TMEM17: variants seen among roughly 807,000 people sequenced by gnomAD.
TMEM17 encodes transmembrane protein 17.
Under a neutral mutation model 19.1 loss-of-function variants are expected in TMEM17, and 15 were observed. That is an observed-to-expected ratio of 0.78 (90% CI 0.52 to 1.21). The LOEUF is 1.21. TMEM17 is among the 50% of genes most tolerant of loss of function. The pLI, the probability that TMEM17 is intolerant of heterozygous loss-of-function variation, is 0.00. For missense variants in TMEM17, 245 were observed against 242.3 expected (o/e 1.01, Z -0.07); for synonymous variants, 103 against 86.9 (o/e 1.19, Z -1.03).
At chr2:62,455,807 T>C in the TMEM17 span, among the ~76,000 whole-genome samples, 7 of 152,184 alleles carry the variant, frequency 4.6e-5, no homozygotes, top group Non-Finnish European at 1.0e-4. Context: ...CCAAGTCAGT[T>C]GTACCATGTT....
the TMEM17 span, among the ~76,000 whole-genome samples, chr2:62,491,832 T>C: frequency 6.6e-6 from 1 of 151,302 alleles, no homozygotes; most frequent in Non-Finnish European, 1.5e-5. Flanking sequence ...TAATCAAATA[T>C]ACATCTCTTT....
chr2:62,484,812 T>C, the TMEM17 span, among the ~76,000 whole-genome samples: 1 of 152,238 alleles, frequency 6.6e-6, no homozygotes. Context: ...TTGTTTGGAA[T>C]AGTTCAGCTT....
chr2:62,496,862 C>A (rs891742174), downstream of TMEM17, among the ~76,000 whole-genome samples: 1 of 152,196 alleles, frequency 6.6e-6, no homozygotes, highest in Admixed American at 6.5e-5. Context: ...CCTTAGGAGG[C>A]TGAGGCAGAA....
chr2:62,481,308 G>A, the TMEM17 span, among the ~76,000 whole-genome samples: 1 of 152,078 alleles, frequency 6.6e-6, no homozygotes, highest in Non-Finnish European at 1.5e-5. Flanking sequence ...CAACTTTACT[G>A]AATTATTTCA....
Position 62,501,363 on chromosome 2 carries a change from G to C in TMEM17, c.443C>G (p.Thr148Ser). 6.2e-7 allele frequency: 1 copy of C among 1,614,202 alleles called. No individual in the cohort carries two copies. The highest frequency in any genetic ancestry group is 8.5e-7 in the Non-Finnish European group (1 of 1,180,032). Residue 148 changes from threonine (T) to serine (S), a missense_variant, in exon 4 of 4, where the codon ACT (threonine) becomes AGT (serine). Physicochemically the swap from Thr to Ser is moderately conservative, Grantham distance 58. Transcript: ENST00000335390. ...PLEKAIHIIFTLFLAFQVVAA... is the reference protein window; with the variant it reads ...PLEKAIHIIFSLFLAFQVVAA... ...AACAACTTGGAAAGCAAGGAAGAGA[G>C]TGAAGATGATATGTATCGCTTTTTC...
chr2:62,493,997 C>G, the TMEM17 span, among the ~76,000 whole-genome samples: 2 of 152,154 alleles, frequency 1.3e-5, no homozygotes, highest in Non-Finnish European at 2.9e-5. Flanking sequence ...AAAGCCTATC[C>G]TACCCTCTAG....
At chr2:62,460,657 G>C in the TMEM17 span, among the ~76,000 whole-genome samples, 33 of 152,170 alleles carry the variant, frequency 2.2e-4, no homozygotes, top group East Asian at 5.2e-3. Flanking sequence ...TTAAGAACAG[G>C]CATTTTAGTC....
At chr2:62,483,368 CT>C in the TMEM17 span, among the ~76,000 whole-genome samples, 1 of 152,134 alleles carries the variant, frequency 6.6e-6, no homozygotes, top group African/African-American at 2.4e-5. Flanking sequence ...AGAGCGAAGG[CT>C]TTGTTTTGGG....
At chr2:62,496,712 TA>T (rs1679786632), downstream of TMEM17, among the ~76,000 whole-genome samples, 1 of 152,246 alleles carries the variant, frequency 6.6e-6, no homozygotes, top group African/African-American at 2.4e-5. Flanking sequence ...TTAGAGTTTT[TA>T]AAAACTATAA....
chr2:62,480,697 G>A, the TMEM17 span, among the ~76,000 whole-genome samples: 4 of 101,210 alleles, frequency 4.0e-5, no homozygotes, highest in Non-Finnish European at 6.9e-5. Flanking sequence ...TGGCCCCTTC[G>A]TAAAAAAAAA....
the TMEM17 span, among the ~76,000 whole-genome samples, chr2:62,487,121 T>C: frequency 1.8e-4 from 27 of 152,306 alleles, no homozygotes; most frequent in East Asian, 4.8e-3. Context: ...TATTATCTTA[T>C]AGTCCTGGAG....
chr2:62,482,116 C>T, the TMEM17 span, among the ~76,000 whole-genome samples: 1 of 152,232 alleles, frequency 6.6e-6, no homozygotes, highest in Non-Finnish European at 1.5e-5. Flanking sequence ...AAAGGATAAC[C>T]TTTGTGAGTG....
At chr2:62,490,928 A>G in the TMEM17 span, among the ~76,000 whole-genome samples, 6 of 151,838 alleles carry the variant, frequency 4.0e-5, no homozygotes, top group Non-Finnish European at 7.4e-5. Flanking sequence ...AATGCAAAAA[A>G]ATTAGCTGGG....
At chr2:62,504,367 A>G (rs1024507748) in intron 1 of TMEM17, among the ~76,000 whole-genome samples, 1 of 152,248 alleles carries the variant, frequency 6.6e-6, no homozygotes, top group Admixed American at 6.5e-5. Context: ...TTATTACAGT[A>G]CAAATAATCA....
At chr2:62,493,785 C>T in the TMEM17 span, among the ~76,000 whole-genome samples, 807 of 152,286 alleles carry the variant, frequency 5.3e-3, 7 homozygotes, top group African/African-American at 0.018. Context: ...GACCATTCAT[C>T]GCCTACAGCA....
At position 62,506,031 on chromosome 2, in the gene TMEM17, C is replaced by T. The variant is rs747985235; in HGVS notation, c.99G>A (p.Pro33=). The part of the protein sequence containing the change: ...NRTGPESNEG[P]ENEMVSSLAL... The stretch of plus-strand genomic sequence containing the variant: ...CTGCACCGGGCCTCGGTCACTCACC[C>T]GGACCCTCATTGGACTCTGGACCGG... The change falls in exon 1 of 4, where the codon CCG becomes CCA. Residue 33 remains proline (P), a splice_region_variant and synonymous_variant. Transcript: ENST00000335390. 1.4e-5 allele frequency: 22 copies of T among 1,609,088 alleles called. No individual in the cohort carries two copies. The East Asian group carries it at 2.5e-4, about 18-fold the overall frequency.
chr2:62,468,693 C>G, the TMEM17 span, among the ~76,000 whole-genome samples: 1 of 152,146 alleles, frequency 6.6e-6, no homozygotes, highest in South Asian at 2.1e-4. Context: ...TATGGTTCAG[C>G]TGATAAGCAG....
the TMEM17 span, among the ~76,000 whole-genome samples, chr2:62,470,219 C>G: frequency 1.3e-5 from 2 of 152,228 alleles, 1 homozygote; most frequent in South Asian, 4.1e-4. Flanking sequence ...GAGCACTTCT[C>G]TCTCAATCTC....
chr2:62,473,728 G>T, the TMEM17 span, among the ~76,000 whole-genome samples: 1 of 152,224 alleles, frequency 6.6e-6, no homozygotes, highest in Non-Finnish European at 1.5e-5. Context: ...CAGGACTGGG[G>T]CTGGTAGGCA....
Sources: gnomAD v4.1 joint callset for allele counts (sites outside exome capture counted in the v4.1 genomes callset) on GRCh38, gnomAD v4.1.1 for gene constraint, MANE v1.5 for transcripts, NCBI Gene and HGNC (gene_info 2026-07-23, HGNC 2026-07-21) for gene names.